Variants in DLC1 observed in about 807,000 individuals in gnomAD.
DLC1 encodes the protein DLC1 Rho GTPase activating protein.
In DLC1, 54 loss-of-function variants were observed where a neutral mutation model predicts 140.3. That is an observed-to-expected ratio of 0.38 (90% CI 0.31 to 0.48). The LOEUF (loss-of-function observed/expected upper bound fraction) is 0.48, where lower values mean the gene tolerates loss of function less well. Among genes scored for constraint, DLC1 ranks in the 20% least tolerant of loss-of-function variants. The pLI is 0.96. For missense variants in DLC1, 2,536 were observed against 1,907.0 expected (o/e 1.33, Z -6.14); for synonymous variants, 986 against 728.1 (o/e 1.35, Z -5.70).
intron 2 of DLC1, among the ~76,000 whole-genome samples, chr8:13,491,075 A>G (rs1213633364): frequency 6.8e-6 from 1 of 147,920 alleles, no homozygotes; most frequent in African/African-American, 2.5e-5. Context: ...ATTAAATCTG[A>G]ATATATACAT....
At chr8:13,199,156 T>G (rs1169912351) in intron 5 of DLC1, among the ~76,000 whole-genome samples, 4 of 150,416 alleles carry the variant, frequency 2.7e-5, no homozygotes, top group Non-Finnish European at 5.9e-5. Flanking sequence ...TAAACACTAG[T>G]AAATGTCTCC....
chr8:13,516,680 C>T (rs1301759030), upstream of DLC1, among the ~76,000 whole-genome samples: 1 of 152,148 alleles, frequency 6.6e-6, no homozygotes, highest in African/African-American at 2.4e-5. Context: ...ATTTAGGTTT[C>T]TTTAATTTAA....
At chr8:13,148,319 G>T (rs1018373083) in intron 5 of DLC1, among the ~76,000 whole-genome samples, 4 of 152,148 alleles carry the variant, frequency 2.6e-5, no homozygotes, top group Non-Finnish European at 5.9e-5. Context: ...AGTGTCTCTT[G>T]TTCCCTTCTT....
intron 2 of DLC1, among the ~76,000 whole-genome samples, chr8:13,415,309 G>GA (rs1197146218): frequency 6.6e-6 from 1 of 151,950 alleles, no homozygotes; most frequent in Non-Finnish European, 1.5e-5. Context: ...CACTTGTTGT[G>GA]AAAAACTGTT....
chr8:13,407,560 A>T (rs561031794), intron 2 of DLC1, among the ~76,000 whole-genome samples: 42 of 152,342 alleles, frequency 2.8e-4, no homozygotes, highest in African/African-American at 9.9e-4. Context: ...GAAGAGAACC[A>T]AAAAGTTTAG....
intron 4 of DLC1, among the ~76,000 whole-genome samples, chr8:13,350,718 A>AAATAAATAAATAAATAAATAAATAAAT (rs1563274782): frequency 1.4e-4 from 22 of 152,092 alleles, no homozygotes; most frequent in African/African-American, 5.3e-4. Flanking sequence ...TCGATCTTAA[A>AAATAAATAAATAAATAAATAAATAAAT]AAATAAATAA....
chr8:13,237,664 T>G (rs1016320107), intron 5 of DLC1, among the ~76,000 whole-genome samples: 1 of 152,008 alleles, frequency 6.6e-6, no homozygotes, highest in African/African-American at 2.4e-5. Flanking sequence ...TGCGCATGTT[T>G]CTACATCCTC....
At chr8:13,107,436 G>C (rs141628233) in intron 7 of DLC1, among the ~76,000 whole-genome samples, 96 of 152,202 alleles carry the variant, frequency 6.3e-4, no homozygotes, top group Non-Finnish European at 9.1e-4. Context: ...GAGGTAGGTG[G>C]GAAAGATTTT....
chr8:13,276,669 G>A (rs1831186433), intron 5 of DLC1: 4 of 1,063,434 alleles, frequency 3.8e-6, no homozygotes, highest in Non-Finnish European at 4.6e-6. Context: ...GAGGCGTCTC[G>A]CTTCCTGTGC....
In DLC1 at chr8:13,100,616, T is replaced by C; in HGVS notation, c.1721A>G (p.Asp574Gly). The C allele has an allele frequency of 6.2e-7, 1 of 1,614,080 alleles. No individual in the cohort carries two copies. Among genetic ancestry groups the C allele is most frequent in the Non-Finnish European group, 8.5e-7 (1 of 1,180,004 alleles). ...PGSPDDSHPKDGPSPGGTLMD... is the reference protein window; with the variant it reads ...PGSPDDSHPKGGPSPGGTLMD... Reference sequence around the variant, plus strand: ...CAGCGTGCCTCCGGGGCTGGGGCCGTCCTTCGGGTGGGAGTCGTCTGGGGA... The same window carrying C: ...CAGCGTGCCTCCGGGGCTGGGGCCGCCCTTCGGGTGGGAGTCGTCTGGGGA... Residue 574 changes from aspartate (D) to glycine (G), a missense_variant, in exon 9 of 18, where the codon GAC becomes GGC. Transcript: ENST00000276297.
intron 2 of DLC1, among the ~76,000 whole-genome samples, chr8:13,482,600 T>G (rs374468243): frequency 3.9e-5 from 6 of 152,330 alleles, no homozygotes; most frequent in African/African-American, 1.4e-4. Flanking sequence ...TGTCCCCATG[T>G]AATTAACTAT....
At chr8:13,233,293 TAAAAAAAAAAAAAAAAAAA>T (rs71207134) in intron 5 of DLC1, among the ~76,000 whole-genome samples, 6 of 70,388 alleles carry the variant, frequency 8.5e-5, no homozygotes, top group Non-Finnish European at 1.6e-4. Flanking sequence ...AGACTCTGTA[TAAAAAAAAAAAAAAAAAAA>T]AAAAAAAAAA....
In DLC1 at chr8:13,164,691, A is replaced by C. The variant is rs556268505; in HGVS notation, c.1349-49034T>G. ...CCAGTGCAGACATTGATACTTTTAC[A>C]TCAGGAGAAAGCTCTTTCCTCTGTC... On this transcript the variant is annotated intron_variant, in intron 5 of 17. Coordinates refer to ENST00000276297, the MANE Select transcript of DLC1 (RefSeq NM_182643.3). Among the ~76,000 whole-genome samples the C allele has an allele frequency of 1.6e-4, 25 of 152,314 alleles. No homozygotes were observed. In the East Asian group the frequency reaches 4.6e-3, roughly 28 times the overall value.
At chr8:13,153,317 C>T (rs998363917) in intron 5 of DLC1, among the ~76,000 whole-genome samples, 5 of 152,184 alleles carry the variant, frequency 3.3e-5, no homozygotes, top group African/African-American at 9.7e-5. Flanking sequence ...TCTCTCCTCC[C>T]GGCCAGAGCT....
chr8:13,326,322 G>A (rs1371124897), intron 4 of DLC1, among the ~76,000 whole-genome samples: 1 of 152,194 alleles, frequency 6.6e-6, no homozygotes, highest in Non-Finnish European at 1.5e-5. Context: ...TGCATTTATA[G>A]CATAGACCTA....
chr8:13,116,824 C>A (rs1322747152), intron 5 of DLC1, among the ~76,000 whole-genome samples: 1 of 152,148 alleles, frequency 6.6e-6, no homozygotes, highest in African/African-American at 2.4e-5. Context: ...TCTTAATACC[C>A]AAACTAAAAA....
intron 5 of DLC1, among the ~76,000 whole-genome samples, chr8:13,121,443 C>T (rs147312967): frequency 8.5e-5 from 13 of 152,206 alleles, no homozygotes; most frequent in Admixed American, 3.9e-4. Flanking sequence ...TTCCAGAGGG[C>T]GTTCACTGGG....
chr8:13,508,902 C>G (rs1048047962), intron 1 of DLC1, among the ~76,000 whole-genome samples: 1 of 152,080 alleles, frequency 6.6e-6, no homozygotes, highest in African/African-American at 2.4e-5. Context: ...TCTTCTTTGC[C>G]ATAATATCTC....
intron 5 of DLC1, chr8:13,133,174 G>A: frequency 1.4e-6 from 2 of 1,436,034 alleles, no homozygotes; most frequent in African/African-American, 1.4e-5. Context: ...ATCGAAACGA[G>A]GGAGCGCTCA....
Sources: gnomAD v4.1 joint callset for allele counts (sites outside exome capture counted in the v4.1 genomes callset) on GRCh38, gnomAD v4.1.1 for gene constraint, MANE v1.5 for transcripts, NCBI Gene and HGNC (gene_info 2026-07-23, HGNC 2026-07-21) for gene names.